The following TMEM200A variants were observed in gnomAD, a reference collection of about 807,000 sequenced individuals.
TMEM200A encodes the protein two transmembrane C.
Under a neutral mutation model 24.3 loss-of-function variants are expected in TMEM200A, and 12 were observed. That is an observed-to-expected ratio of 0.49 (90% CI 0.32 to 0.80). The LOEUF is 0.80. Among genes scored for constraint, TMEM200A ranks in the 30% least tolerant of loss-of-function variants. TMEM200A has a pLI of 0.04. For missense variants in TMEM200A, 545 were observed against 614.4 expected (o/e 0.89, Z 1.19); for synonymous variants, 224 against 224.4 (o/e 1.00, Z 0.02).
In TMEM200A at chr6:130,385,683, G is replaced by C. The variant is rs559369996; in HGVS notation, c.-17+447G>C. Among the ~76,000 whole-genome samples the C allele has an allele frequency of 2.0e-5, 3 of 152,176 alleles. No individual in the cohort carries two copies. In the South Asian group the frequency reaches 6.2e-4, roughly 32 times the overall value. ...TTCAAAATTACATTTGTTCTGCTTG[G>C]AATAAAAGGAGGTTTATACCTTGTA... On this transcript the variant is annotated intron_variant, in intron 2 of 2. Coordinates refer to ENST00000296978, the MANE Select transcript of TMEM200A (RefSeq NM_001258277.2).
At chr6:130,435,287 A>G (rs1404972525) in intron 2 of TMEM200A, among the ~76,000 whole-genome samples, 1 of 152,138 alleles carries the variant, frequency 6.6e-6, no homozygotes, top group Non-Finnish European at 1.5e-5. Context: ...CACCCAGCCC[A>G]TATTTGTCTT....
rs577884949 is a variant in TMEM200A at position 130,392,691 on chromosome 6, A to G, written c.-17+7455A>G. 6.6e-4 allele frequency among the ~76,000 whole-genome samples: 100 copies of G among 152,216 alleles called. No individual in the cohort carries two copies. The South Asian group carries it at 0.017, about 26-fold the overall frequency. ...CTTCTCTTTTCTTTGTTGAGCTAAC[A>G]TGTACTCATTTTTAAGATACAGCTC... On this transcript the variant is annotated intron_variant, in intron 2 of 2. Coordinates refer to ENST00000296978, the MANE Select transcript of TMEM200A (RefSeq NM_001258277.2).
rs1056075616 is a variant in TMEM200A at position 130,366,669 on chromosome 6, G to A, written c.-81+145G>A. On this transcript the variant is annotated intron_variant, in intron 1 of 2. Coordinates refer to ENST00000296978, the MANE Select transcript of TMEM200A (RefSeq NM_001258277.2). The surrounding 1 kb of genome is among the most constrained non-coding windows in gnomAD (Gnocchi z 4.4). ...TTAGGTAAACGCTGTCTCTCCTAAA[G>A]TTTGGGAAATAAACCAAGTCCGCCA... 1 of 758,668 alleles carries A rather than the reference G, an allele frequency of 1.3e-6. No homozygotes were observed. The highest frequency in any genetic ancestry group is 1.9e-5 in the African/African-American group (1 of 52,770). The allele number at this position is 758,668 out of a possible 1,614,324, so 47.0% of individuals were successfully genotyped here.
intron 2 of TMEM200A, among the ~76,000 whole-genome samples, chr6:130,390,865 T>C (rs939119830): frequency 2.0e-5 from 3 of 152,152 alleles, no homozygotes; most frequent in African/African-American, 7.2e-5. Context: ...TTCATCACAA[T>C]AGGGTTTCTC....
chr6:130,382,919 T>C (rs1212482342), intron 1 of TMEM200A: 3 of 449,204 alleles, frequency 6.7e-6, no homozygotes, highest in Non-Finnish European at 8.8e-6. Context: ...ATTTGTGAAG[T>C]CACTTGTCTG....
chr6:130,433,035 C>T (rs939565380), intron 2 of TMEM200A, among the ~76,000 whole-genome samples: 4 of 152,068 alleles, frequency 2.6e-5, no homozygotes, highest in Non-Finnish European at 4.4e-5. Context: ...TAAGAAAAGC[C>T]ACTTGCATGG....
chr6:130,434,787 C>T (rs978491100), intron 2 of TMEM200A, among the ~76,000 whole-genome samples: 2 of 151,938 alleles, frequency 1.3e-5, no homozygotes, highest in African/African-American at 4.8e-5. Flanking sequence ...GGGAAGTGAA[C>T]CCAAGAGAGG....
chr6:130,388,802 G>C (rs990391645), intron 2 of TMEM200A, among the ~76,000 whole-genome samples: 17 of 152,102 alleles, frequency 1.1e-4, no homozygotes, highest in Non-Finnish European at 2.2e-4. Flanking sequence ...GCCCCAGTTT[G>C]TGGGAATTGC....
chr6:130,384,650 A>T (rs746708111), intron 1 of TMEM200A, among the ~76,000 whole-genome samples: 1 of 152,182 alleles, frequency 6.6e-6, no homozygotes, highest in South Asian at 2.1e-4. Flanking sequence ...AGGAAATGTT[A>T]ATTCTTGTGA....
intron 2 of TMEM200A, among the ~76,000 whole-genome samples, chr6:130,434,210 A>T (rs188955853): frequency 2.0e-5 from 3 of 152,288 alleles, no homozygotes; most frequent in Admixed American, 2.0e-4. Context: ...TATGCCAGGC[A>T]CTCTGCCAAG....
At chr6:130,418,907 T>C (rs1404097646) in intron 2 of TMEM200A, among the ~76,000 whole-genome samples, 2 of 152,186 alleles carry the variant, frequency 1.3e-5, no homozygotes, top group Non-Finnish European at 2.9e-5. Flanking sequence ...CTCATTTGTA[T>C]GTATTGGGAA....
chr6:130,392,118 C>A (rs1242406099), intron 2 of TMEM200A, among the ~76,000 whole-genome samples: 2 of 152,118 alleles, frequency 1.3e-5, no homozygotes, highest in Non-Finnish European at 2.9e-5. Flanking sequence ...AACCCAGTGA[C>A]CTTGTACAGA....
In TMEM200A at chr6:130,441,065, G is replaced by A. The variant is rs768461562; in HGVS notation, c.643G>A (p.Gly215Ser). The A allele has an allele frequency of 1.9e-6, 3 of 1,613,970 alleles. No individual in the cohort carries two copies. The highest frequency in any genetic ancestry group is 2.5e-6 in the Non-Finnish European group (3 of 1,179,964). The change falls in exon 3 of 3, where the codon GGT (glycine) becomes AGT (serine). Residue 215 changes from glycine to serine, a missense_variant. Transcript: ENST00000296978. ...AGCAAATACGATCGCCTCTTTCTCG[G>A]GTTTTCGGAGCAGTTTTCGAATGGA... ...LAANTIASFSGFRSSFRMDSS... is the reference protein window; with the variant it reads ...LAANTIASFSSFRSSFRMDSS...
intron 2 of TMEM200A, among the ~76,000 whole-genome samples, chr6:130,411,810 T>A (rs1216848737): frequency 6.6e-6 from 1 of 152,246 alleles, no homozygotes; most frequent in Non-Finnish European, 1.5e-5. Flanking sequence ...ATGTTCACTT[T>A]GGTCACTTGA....
chr6:130,436,636 T>C, intron 2 of TMEM200A, among the ~76,000 whole-genome samples: 1 of 66,416 alleles, frequency 1.5e-5, no homozygotes, highest in Non-Finnish European at 2.5e-5. Context: ...TTATCCTTTT[T>C]TTTTTTTTTT....
Position 130,404,081 on chromosome 6 carries a change from G to A in TMEM200A, c.-17+18845G>A, listed in dbSNP as rs144610131. Reference sequence around the variant, plus strand: ...TCTTTATTCAGTCTATCATTGATGGGCATTTAGGTTGATTCTATGTCTCTG... The same window carrying A: ...TCTTTATTCAGTCTATCATTGATGGACATTTAGGTTGATTCTATGTCTCTG... On this transcript the variant is annotated intron_variant, in intron 2 of 2. Transcript: ENST00000296978. Among the ~76,000 whole-genome samples the A allele has an allele frequency of 6.8e-3, 1,037 of 152,176 alleles. 15 individuals carry two copies. Among genetic ancestry groups the A allele is most frequent in the African/African-American group, 0.02 (821 of 41,540 alleles).
At chr6:130,376,763 C>T (rs778422752) in intron 1 of TMEM200A, among the ~76,000 whole-genome samples, 1 of 152,044 alleles carries the variant, frequency 6.6e-6, no homozygotes, top group Non-Finnish European at 1.5e-5. Context: ...TCCTCACATA[C>T]ATTTTTTTTT....
At chr6:130,438,509 T>C (rs1473115801) in intron 2 of TMEM200A, 1 of 152,234 alleles carries the variant, frequency 6.6e-6, no homozygotes, top group African/African-American at 2.4e-5. Context: ...GAGAACTATT[T>C]ATTATGAATC....
At chr6:130,377,300 G>T (rs926726507) in intron 1 of TMEM200A, among the ~76,000 whole-genome samples, 1 of 152,110 alleles carries the variant, frequency 6.6e-6, no homozygotes, top group Admixed American at 6.5e-5. Flanking sequence ...GAAAAGACAG[G>T]TTACAAAAAA....
Sources: allele counts gnomAD v4.1 joint callset (sites outside exome capture counted in the v4.1 genomes callset), GRCh38; gene constraint gnomAD v4.1.1; non-coding constraint Gnocchi (gnomAD v3.1); transcripts MANE v1.5; gene names NCBI Gene and HGNC (gene_info 2026-07-23, HGNC 2026-07-21).